Variants in PPP3CA observed in about 807,000 individuals in gnomAD.
The protein encoded by PPP3CA is CAM-PRP catalytic subunit.
In PPP3CA, 14 loss-of-function variants were observed where a neutral mutation model predicts 66.5. The observed-to-expected ratio is 0.21, with a 90% CI of 0.14 to 0.33. The LOEUF (loss-of-function observed/expected upper bound fraction) is 0.33, where lower values mean the gene tolerates loss of function less well. Ranked by LOEUF, PPP3CA falls within the 10% of genes least tolerant of loss-of-function variation. The probability of loss-of-function intolerance (pLI) is 1.00; values close to 1 mark genes in which losing one functional copy is unlikely to be tolerated. For missense variants in PPP3CA, 317 were observed against 639.5 expected (o/e 0.50, Z 5.44); for synonymous variants, 232 against 226.2 (o/e 1.03, Z -0.23).
At chr4:101,321,969 T>C (rs752965392) in intron 1 of PPP3CA, among the ~76,000 whole-genome samples, 30 of 152,316 alleles carry the variant, frequency 2.0e-4, no homozygotes, top group Middle Eastern at 6.8e-3. Context: ...GCCCTTTCCC[T>C]CAACTCCAAT....
At chr4:101,224,556 G>A (rs1473586167) in intron 1 of PPP3CA, among the ~76,000 whole-genome samples, 1 of 151,778 alleles carries the variant, frequency 6.6e-6, no homozygotes, top group African/African-American at 2.4e-5. Flanking sequence ...GAGAAAGACA[G>A]CAGCAGCAGG....
intron 1 of PPP3CA, among the ~76,000 whole-genome samples, chr4:101,339,285 C>T (rs1197289127): frequency 4.6e-5 from 7 of 152,140 alleles, no homozygotes; most frequent in African/African-American, 1.7e-4. Context: ...CAAATCTAGA[C>T]AATAACTAAA....
intron 6 of PPP3CA, among the ~76,000 whole-genome samples, chr4:101,091,821 CTAATAA>C (rs34522517): frequency 0.24 from 32,966 of 138,596 alleles, 3,944 homozygotes; most frequent in Middle Eastern, 0.33. Flanking sequence ...TCTTCAGTAT[CTAATAA>C]TAATAATAAT....
At chr4:101,267,104 A>G (rs908599901) in intron 1 of PPP3CA, among the ~76,000 whole-genome samples, 2 of 152,226 alleles carry the variant, frequency 1.3e-5, no homozygotes, top group South Asian at 2.1e-4. Context: ...ATGAAATAAT[A>G]TGTATACACA....
At chr4:101,324,983 G>T (rs1729167427) in intron 1 of PPP3CA, among the ~76,000 whole-genome samples, 1 of 152,152 alleles carries the variant, frequency 6.6e-6, no homozygotes, top group South Asian at 2.1e-4. Context: ...GCATGTTAAA[G>T]CATGGCCAAA....
chr4:101,239,696 T>C (rs535676478), intron 1 of PPP3CA, among the ~76,000 whole-genome samples: 51 of 152,126 alleles, frequency 3.4e-4, no homozygotes, highest in Non-Finnish European at 5.9e-5. Flanking sequence ...ACACCCAAGA[T>C]AAAATATGAA....
At chr4:101,133,865 C>A (rs1038581509) in intron 2 of PPP3CA, among the ~76,000 whole-genome samples, 8 of 152,114 alleles carry the variant, frequency 5.3e-5, no homozygotes, top group African/African-American at 1.9e-4. Flanking sequence ...GCTACAGTAA[C>A]CAAAACAGCA....
intron 1 of PPP3CA, among the ~76,000 whole-genome samples, chr4:101,344,091 C>A (rs1209351392): frequency 6.6e-6 from 1 of 152,062 alleles, no homozygotes; most frequent in East Asian, 1.9e-4. Context: ...AAGATAATTT[C>A]TTTTCTGTAT....
chr4:101,341,515 A>C (rs1042021435), intron 1 of PPP3CA, among the ~76,000 whole-genome samples: 1 of 152,178 alleles, frequency 6.6e-6, no homozygotes, highest in African/African-American at 2.4e-5. Context: ...GTGACCAGAA[A>C]ATACATAACA....
intron 1 of PPP3CA, among the ~76,000 whole-genome samples, chr4:101,228,917 G>A (rs1392439862): frequency 3.3e-5 from 5 of 151,588 alleles, no homozygotes; most frequent in Admixed American, 2.0e-4. Flanking sequence ...TACTGGTTTT[G>A]ATTTTCCAAT....
At chr4:101,125,310 T>C (rs1025652268) in intron 2 of PPP3CA, among the ~76,000 whole-genome samples, 3 of 152,242 alleles carry the variant, frequency 2.0e-5, no homozygotes, top group Non-Finnish European at 4.4e-5. Context: ...AACTTCTCTC[T>C]GCACTTTGAT....
intron 8 of PPP3CA, among the ~76,000 whole-genome samples, chr4:101,072,404 G>C (rs1728955781): frequency 6.6e-6 from 1 of 152,174 alleles, no homozygotes; most frequent in South Asian, 2.1e-4. Context: ...ATATGGGCAT[G>C]TGGGCTCTGC....
At chr4:101,317,041 A>T (rs370902894) in intron 1 of PPP3CA, among the ~76,000 whole-genome samples, 2 of 151,998 alleles carry the variant, frequency 1.3e-5, no homozygotes, top group African/African-American at 4.8e-5. Flanking sequence ...TTTCCCCAAT[A>T]TTCCATTCCC....
At chr4:101,286,216 G>T (rs893760835) in intron 1 of PPP3CA, among the ~76,000 whole-genome samples, 8 of 152,196 alleles carry the variant, frequency 5.3e-5, no homozygotes, top group Non-Finnish European at 7.3e-5. Flanking sequence ...AGTAATGCTT[G>T]CTGGCCAGCC....
At chr4:101,035,281 CAAA>C (rs1199622559) in intron 11 of PPP3CA, among the ~76,000 whole-genome samples, 1 of 150,534 alleles carries the variant, frequency 6.6e-6, no homozygotes, top group Non-Finnish European at 1.5e-5. Flanking sequence ...CAAAACAAAA[CAAA>C]AAAACAAAAC....
At chr4:101,141,681 CTCT>C (rs1722812761) in intron 2 of PPP3CA, among the ~76,000 whole-genome samples, 1 of 152,192 alleles carries the variant, frequency 6.6e-6, no homozygotes, top group Non-Finnish European at 1.5e-5. Flanking sequence ...CACTTTCTAT[CTCT>C]TCTTTAATAT....
intron 2 of PPP3CA, among the ~76,000 whole-genome samples, chr4:101,133,772 G>T (rs1450479664): frequency 6.6e-6 from 1 of 152,112 alleles, no homozygotes; most frequent in African/African-American, 2.4e-5. Context: ...AACCAAAAAA[G>T]AGCCCATATA....
At chr4:101,261,935 A>G (rs1170345289) in intron 1 of PPP3CA, among the ~76,000 whole-genome samples, 1 of 152,048 alleles carries the variant, frequency 6.6e-6, no homozygotes, top group Non-Finnish European at 1.5e-5. Flanking sequence ...AAGGTAATCT[A>G]TTCTAACTAC....
intron 1 of PPP3CA, among the ~76,000 whole-genome samples, chr4:101,252,478 A>C (rs1726708915): frequency 6.6e-6 from 1 of 152,142 alleles, no homozygotes; most frequent in Non-Finnish European, 1.5e-5. Context: ...GTAAAAAAAA[A>C]CAAAACTAAA....
Sources: allele counts gnomAD v4.1 joint callset (sites outside exome capture counted in the v4.1 genomes callset), GRCh38; gene constraint gnomAD v4.1.1; transcripts MANE v1.5; gene names NCBI Gene and HGNC (gene_info 2026-07-23, HGNC 2026-07-21).